The following SVOPL variants were observed in gnomAD, a reference collection of about 807,000 sequenced individuals.
SVOPL encodes the protein SVOP like.
SVOPL carries 60 observed loss-of-function variants against 61.0 expected under a neutral mutation model. The ratio of observed to expected loss-of-function variants is 0.98; its 90% confidence interval spans 0.80 to 1.22. SVOPL has a LOEUF of 1.22. Among genes scored for constraint, SVOPL ranks in the 50% most tolerant of loss-of-function variants. SVOPL has a pLI of 0.00. For synonymous variants in SVOPL, 279 were observed against 250.0 expected, an observed-to-expected ratio of 1.12 and a Z score of -1.09; for missense variants, 662 against 643.9, an observed-to-expected ratio of 1.03 and a Z score of -0.30.
At chr7:138,611,865 C>T in intron 14 of SVOPL, among the ~76,000 whole-genome samples, 1 of 79,568 alleles carries the variant, frequency 1.3e-5, no homozygotes, top group Non-Finnish European at 2.5e-5. Flanking sequence ...ATTGCAGCCT[C>T]TGCCCGGCCG....
chr7:138,696,062 G>A (rs1032741585), intron 1 of SVOPL, among the ~76,000 whole-genome samples: 2 of 152,220 alleles, frequency 1.3e-5, no homozygotes, highest in African/African-American at 2.4e-5. Flanking sequence ...GATTACATGC[G>A]TGGGCCACCG....
At chr7:138,614,095 C>T (rs552558624) in intron 14 of SVOPL, among the ~76,000 whole-genome samples, 7 of 152,298 alleles carry the variant, frequency 4.6e-5, no homozygotes, top group African/African-American at 1.7e-4. Flanking sequence ...TGATTCTATG[C>T]TAACAAATAG....
intron 14 of SVOPL, among the ~76,000 whole-genome samples, chr7:138,597,508 G>C (rs371427607): frequency 6.6e-6 from 1 of 152,040 alleles, no homozygotes; most frequent in Non-Finnish European, 1.5e-5. Flanking sequence ...TCCACTCACC[G>C]TGCAAACAGA....
At chr7:138,639,615 G>A (rs565183317) in intron 9 of SVOPL, among the ~76,000 whole-genome samples, 182 of 97,650 alleles carry the variant, frequency 1.9e-3, no homozygotes, top group Middle Eastern at 0.018. Context: ...GGGAGACTCC[G>A]TCTCAAAAAA....
chr7:138,700,314 CTGTTCTT>C (rs900958382), intron 1 of SVOPL, among the ~76,000 whole-genome samples: 4 of 143,218 alleles, frequency 2.8e-5, no homozygotes, highest in African/African-American at 1.0e-4. Context: ...TTGACATACT[CTGTTCTT>C]TGGTTCCGTA....
chr7:138,650,888 T>C (rs994658815), intron 7 of SVOPL, among the ~76,000 whole-genome samples: 1 of 144,660 alleles, frequency 6.9e-6, no homozygotes, highest in African/African-American at 2.6e-5. Flanking sequence ...CTGCTTTATT[T>C]ATTGCCAAGT....
In SVOPL at chr7:138,628,150, A is replaced by G. The variant is rs533795263; in HGVS notation, c.1069+8T>C. ...ACAGAGAGACCCAACACGCAGAGGG[A>G]CACTTACAAGCAATTTCACCGATGG... is the stretch of plus-strand genomic sequence containing the variant. On this transcript the variant is annotated splice_region_variant and intron_variant, in intron 11 of 15. Coordinates refer to ENST00000674285, the MANE Select transcript of SVOPL (RefSeq NM_001139456.2). 7 of 1,614,138 alleles carry G rather than the reference A, an allele frequency of 4.3e-6. No homozygotes were observed. The African/African-American group carries it at 9.3e-5, about 22-fold the overall frequency.
intron 2 of SVOPL, among the ~76,000 whole-genome samples, 162 bp downstream of exon 2, chr7:138,678,802 C>G (rs550016818): frequency 6.6e-6 from 1 of 152,280 alleles, no homozygotes; most frequent in African/African-American, 2.4e-5. Flanking sequence ...AACTCCTGAC[C>G]TCAGTGATCC....
At chr7:138,692,895 G>A (rs1408797383) in intron 1 of SVOPL, among the ~76,000 whole-genome samples, 11 of 152,100 alleles carry the variant, frequency 7.2e-5, no homozygotes, top group Admixed American at 5.2e-4. Context: ...ATATAACAAA[G>A]GTGAGAGTTG....
At chr7:138,693,540 A>AGAAAGAAAGAAAGAAG (rs1802992690) in intron 1 of SVOPL, among the ~76,000 whole-genome samples, 1 of 74,998 alleles carries the variant, frequency 1.3e-5, no homozygotes, top group Admixed American at 1.2e-4. Flanking sequence ...AAAGAAAGAA[A>AGAAAGAAAGAAAGAAG]GAAAGAAAGA....
intron 9 of SVOPL, among the ~76,000 whole-genome samples, chr7:138,643,389 C>CACTCCA (rs1317284882): frequency 7.2e-6 from 1 of 138,644 alleles, no homozygotes; most frequent in Non-Finnish European, 1.5e-5. Context: ...CACGCCACTG[C>CACTCCA]ACTCCAGCCT....
chr7:138,617,724 T>C (rs1371858156), intron 14 of SVOPL, among the ~76,000 whole-genome samples: 1 of 152,140 alleles, frequency 6.6e-6, no homozygotes, highest in African/African-American at 2.4e-5. Context: ...TAGTCCCAGC[T>C]ACTTGTGGGG....
At chr7:138,618,140 A>T (rs1360644462) in intron 14 of SVOPL, among the ~76,000 whole-genome samples, 1 of 152,218 alleles carries the variant, frequency 6.6e-6, no homozygotes, top group Non-Finnish European at 1.5e-5. Flanking sequence ...TCTCGATTGC[A>T]CAGAAATTGA....
intron 3 of SVOPL, among the ~76,000 whole-genome samples, chr7:138,677,643 AG>A (rs1348351984): frequency 2.3e-4 from 35 of 152,116 alleles, no homozygotes; most frequent in Admixed American, 2.0e-3. Flanking sequence ...ATTAACTAAA[AG>A]TCTAGCACCT....
chr7:138,623,982 G>T (rs754041203), intron 13 of SVOPL, among the ~76,000 whole-genome samples: 7 of 152,006 alleles, frequency 4.6e-5, no homozygotes, highest in Non-Finnish European at 8.8e-5. Flanking sequence ...ACCACGCCTG[G>T]ATAATTTTTG....
intron 8 of SVOPL, among the ~76,000 whole-genome samples, chr7:138,648,712 C>T (rs531394350): frequency 1.3e-4 from 20 of 150,512 alleles, no homozygotes; most frequent in African/African-American, 4.4e-4. Context: ...CGCCACTGCA[C>T]TCCAGCCGAG....
rs1800429398 is a variant in SVOPL at position 138,635,530 on chromosome 7, A to T, written c.790-5408T>A. On this transcript the variant is annotated intron_variant, in intron 9 of 15. Transcript: ENST00000674285. ...TGGGATTACAGGTGCGAACCACCAC[A>T]CCCAGCCAGGAGTTTTGTTTTAAAC... Among the ~76,000 whole-genome samples, 6 of 151,894 alleles carry T rather than the reference A, an allele frequency of 4.0e-5. 1 individual carries two copies. In the South Asian group the frequency reaches 1.2e-3, roughly 32 times the overall value.
At chr7:138,614,736 A>T (rs1167883367) in intron 14 of SVOPL, among the ~76,000 whole-genome samples, 1 of 152,124 alleles carries the variant, frequency 6.6e-6, no homozygotes, top group Non-Finnish European at 1.5e-5. Flanking sequence ...TGAAGGGACG[A>T]GGCTGGAGAT....
chr7:138,620,119 G>GTTTTTTTTTTTT (rs375556204), intron 14 of SVOPL, among the ~76,000 whole-genome samples: 21 of 114,590 alleles, frequency 1.8e-4, no homozygotes, highest in Non-Finnish European at 2.7e-4. Context: ...TTTTTTTTCT[G>GTTTTTTTTTTTT]TTTTGTTTTT....
Sources: gnomAD v4.1 joint callset for allele counts (sites outside exome capture counted in the v4.1 genomes callset) on GRCh38, gnomAD v4.1.1 for gene constraint, MANE v1.5 for transcripts, NCBI Gene and HGNC (gene_info 2026-07-23, HGNC 2026-07-21) for gene names.